MGLL: variants seen among roughly 807,000 people sequenced by gnomAD.
MGLL encodes lysophospholipase homolog.
MGLL carries 7 observed loss-of-function variants against 29.1 expected under a neutral mutation model. The ratio of observed to expected loss-of-function variants is 0.24; its 90% CI spans 0.14 to 0.45. The LOEUF is 0.45. Ranked by LOEUF, MGLL falls within the 20% of genes least tolerant of loss-of-function variation. MGLL has a pLI of 0.99. For missense variants in MGLL, 356 were observed against 413.6 expected (o/e 0.86, Z 1.21); for synonymous variants, 148 against 168.3 (o/e 0.88, Z 0.93).
chr3:127,781,976 T>A (rs2077135266), intron 2 of MGLL, 81 bp from the exon 3 acceptor site: 2 of 1,350,856 alleles, frequency 1.5e-6, no homozygotes, highest in Admixed American at 1.8e-5. Context: ...ATTCCAGCAC[T>A]TTGGGAGGCC....
At chr3:127,822,687 G>A, upstream of MGLL, 1 of 295,754 alleles carries the variant, frequency 3.4e-6, no homozygotes, top group Non-Finnish European at 6.3e-6. Flanking sequence ...GCACAAATGC[G>A]GGTGCCCAAG....
chr3:127,817,954 A>T (rs2077786084), intron 2 of MGLL, among the ~76,000 whole-genome samples: 1 of 152,200 alleles, frequency 6.6e-6, no homozygotes, highest in Admixed American at 6.5e-5. Context: ...CTCATGATCC[A>T]GTATCCCCCC....
intron 6 of MGLL, among the ~76,000 whole-genome samples, chr3:127,696,663 C>CT (rs1190509345): frequency 6.6e-6 from 1 of 152,000 alleles, no homozygotes; most frequent in African/African-American, 2.4e-5. Flanking sequence ...ATCCACCCGC[C>CT]TCGGCCTCCC....
At chr3:127,734,648 T>C (rs2076212774) in intron 3 of MGLL, among the ~76,000 whole-genome samples, 1 of 152,188 alleles carries the variant, frequency 6.6e-6, no homozygotes, top group Admixed American at 6.5e-5. Context: ...GAAAAAGGGC[T>C]CTTATCTTGG....
At chr3:127,729,569 C>T (rs1461985971) in intron 3 of MGLL, among the ~76,000 whole-genome samples, 1 of 152,124 alleles carries the variant, frequency 6.6e-6, no homozygotes, top group Non-Finnish European at 1.5e-5. Context: ...ATTGTTGCAA[C>T]ACTATCTATA....
chr3:127,763,445 C>T lies in MGLL; in HGVS notation c.262+18344G>A, dbSNP rs192023971. On this transcript the variant is annotated intron_variant, in intron 3 of 7. Coordinates refer to ENST00000265052, the MANE Select transcript of MGLL (RefSeq NM_007283.7). The stretch of plus-strand genomic sequence containing the variant: ...AGTTGCTGTGGTAGCACGGGCCCCT[C>T]AGGCTCAAGGCCAGCTCTGACTCAG... Among the ~76,000 whole-genome samples the T allele has an allele frequency of 2.4e-3, 365 of 152,374 alleles. 3 individuals are homozygous for T. Among genetic ancestry groups the T allele is most frequent in the African/African-American group, 8.4e-3 (351 of 41,598 alleles).
chr3:127,723,436 C>T (rs979323992), intron 3 of MGLL, among the ~76,000 whole-genome samples: 1 of 152,152 alleles, frequency 6.6e-6, no homozygotes, highest in Non-Finnish European at 1.5e-5. Flanking sequence ...GCAGTAATAA[C>T]GGTCACCACC....
chr3:127,770,358 A>T (rs1379895109), intron 3 of MGLL, among the ~76,000 whole-genome samples: 1 of 152,126 alleles, frequency 6.6e-6, no homozygotes, highest in Non-Finnish European at 1.5e-5. Flanking sequence ...TTTTAAGTGA[A>T]TCCTTTAATC....
intron 2 of MGLL, among the ~76,000 whole-genome samples, chr3:127,793,742 A>G (rs2077338923): frequency 6.6e-6 from 1 of 151,978 alleles, no homozygotes; most frequent in Admixed American, 6.6e-5. Flanking sequence ...TTGTATTTTT[A>G]GTACAGACGG....
intron 3 of MGLL, among the ~76,000 whole-genome samples, chr3:127,775,563 CTT>C (rs1186398160): frequency 6.6e-6 from 1 of 152,168 alleles, no homozygotes; most frequent in Non-Finnish European, 1.5e-5. Context: ...AAAACTTCCT[CTT>C]CTCACATGCC....
intron 3 of MGLL, among the ~76,000 whole-genome samples, chr3:127,725,098 AG>A (rs1455359267): frequency 6.7e-6 from 1 of 150,358 alleles, no homozygotes; most frequent in African/African-American, 2.5e-5. Flanking sequence ...CCAGCCCTGG[AG>A]GCTCCGTGCG....
At chr3:127,811,022 A>C (rs2077653410) in intron 2 of MGLL, among the ~76,000 whole-genome samples, 1 of 149,272 alleles carries the variant, frequency 6.7e-6, no homozygotes, top group Admixed American at 6.6e-5. Context: ...CCTGCAGGGA[A>C]TATTCTTCTT....
In MGLL at chr3:127,821,781, C is replaced by A; in HGVS notation, c.68G>T (p.Ser23Ile). 1 of 1,614,134 alleles carries A rather than the reference C, an allele frequency of 6.2e-7. No homozygotes were observed. The highest frequency in any genetic ancestry group is 1.3e-5 in the African/African-American group (1 of 75,044). ...GTGAGGGAGGTCCTGGTAGGGAATG[C>A]TCTGCGGGGTCCGCCTGGGGGAACT... ...EESSPRRTPQ[S>I]IPYQDLPHLV... The change falls in exon 2 of 8, where the codon AGC becomes ATC. Residue 23 changes from serine (S) to isoleucine (I), a missense_variant. Physicochemically the swap from Ser to Ile is moderately radical, Grantham distance 142. Transcript: ENST00000265052.
chr3:127,734,107 G>A (rs2076201498), intron 3 of MGLL, among the ~76,000 whole-genome samples: 1 of 152,186 alleles, frequency 6.6e-6, no homozygotes, highest in African/African-American at 2.4e-5. Context: ...TCTAATTCTG[G>A]AGCCCACCCC....
At chr3:127,748,620 T>C (rs1341268043) in intron 3 of MGLL, among the ~76,000 whole-genome samples, 1 of 151,056 alleles carries the variant, frequency 6.6e-6, no homozygotes, top group Non-Finnish European at 1.5e-5. Flanking sequence ...GGGAGGACCA[T>C]GTGAGGACAC....
intron 5 of MGLL, chr3:127,716,009 C>A (rs973213881): frequency 2.2e-5 from 8 of 360,414 alleles, no homozygotes; most frequent in Non-Finnish European, 3.9e-5. Context: ...GAGGTGAGAC[C>A]CCCCGCACCT....
intron 2 of MGLL, among the ~76,000 whole-genome samples, chr3:127,794,962 T>C (rs146830853): frequency 5.6e-4 from 86 of 152,300 alleles, no homozygotes; most frequent in African/African-American, 1.8e-3. Context: ...GAAAAGCAGT[T>C]TGGAGATTTC....
At chr3:127,718,560 G>T (rs2075860059) in intron 5 of MGLL, among the ~76,000 whole-genome samples, 1 of 152,122 alleles carries the variant, frequency 6.6e-6, no homozygotes, top group African/African-American at 2.4e-5. Flanking sequence ...GCACCAAAAG[G>T]TTGCTAAGCA....
chr3:127,691,934 C>T lies in MGLL; in HGVS notation c.*264G>A, dbSNP rs1400154523. ...GAGGCTTGGCTTTGTTTTCAGTGGA[C>T]ATTTTAGCACATTCTTTGTGGAAAA... On this transcript the variant is annotated 3_prime_UTR_variant, in exon 8 of 8. Coordinates refer to ENST00000265052, the MANE Select transcript of MGLL (RefSeq NM_007283.7). 8 of 487,324 alleles carry T rather than the reference C, an allele frequency of 1.6e-5. No homozygotes were observed. The highest frequency in any genetic ancestry group is 2.2e-5 in the South Asian group (1 of 45,334). The allele number at this position is 487,324 out of a possible 1,614,324, so 30.2% of individuals were successfully genotyped here. A position where few individuals can be genotyped will look rare whatever the true frequency, so the allele number is the denominator to read the frequency against.
Sources: gnomAD v4.1 joint callset for allele counts (sites outside exome capture counted in the v4.1 genomes callset) on GRCh38, gnomAD v4.1.1 for gene constraint, MANE v1.5 for transcripts, NCBI Gene and HGNC (gene_info 2026-07-23, HGNC 2026-07-21) for gene names.